NRXN1: variants seen among roughly 807,000 people sequenced by gnomAD.
NRXN1 encodes the protein neurexin 1.
NRXN1 carries 39 observed loss-of-function variants against 150.9 expected under a neutral mutation model. The observed-to-expected ratio is 0.26, with a 90% CI of 0.20 to 0.34. NRXN1 has a LOEUF of 0.34. Among genes scored for constraint, NRXN1 ranks in the 10% least tolerant of loss-of-function variants. NRXN1 has a pLI of 1.00. For missense variants in NRXN1, 1,815 were observed against 1,949.9 expected, an observed-to-expected ratio of 0.93 and a Z score of 1.30; for synonymous variants, 924 against 757.0, an observed-to-expected ratio of 1.22 and a Z score of -3.62.
intron 19 of NRXN1, among the ~76,000 whole-genome samples, chr2:50,066,976 C>A (rs182327612): frequency 6.6e-5 from 10 of 152,308 alleles, no homozygotes. Flanking sequence ...GGTGGTGCAA[C>A]TCAAGAGTTC....
At chr2:50,087,735 G>T (rs1484221348) in intron 19 of NRXN1, among the ~76,000 whole-genome samples, 1 of 152,106 alleles carries the variant, frequency 6.6e-6, no homozygotes, top group Non-Finnish European at 1.5e-5. Context: ...AATGTAAACT[G>T]TTGAGTTACA....
intron 5 of NRXN1, among the ~76,000 whole-genome samples, chr2:50,812,215 T>G (rs910822723): frequency 1.3e-5 from 2 of 152,200 alleles, no homozygotes; most frequent in African/African-American, 2.4e-5. Context: ...CTTCTGTGAT[T>G]TGTGAATAGG....
chr2:50,569,885 CATTATA>C (rs1248903760), intron 8 of NRXN1, among the ~76,000 whole-genome samples: 1 of 151,996 alleles, frequency 6.6e-6, no homozygotes, highest in Non-Finnish European at 1.5e-5. Context: ...CATTAAGTAG[CATTATA>C]ATTATATGAT....
intron 5 of NRXN1, among the ~76,000 whole-genome samples, chr2:50,874,320 T>C (rs1359586612): frequency 1.3e-5 from 2 of 151,888 alleles, no homozygotes; most frequent in East Asian, 3.9e-4. Flanking sequence ...TATATCATAC[T>C]ATCAATTCTT....
chr2:50,329,647 ATATATATATATATATATATATATATATT>A lies in NRXN1; in HGVS notation c.3365-92705_3365-92678del, dbSNP rs1290461347. On this transcript the variant is annotated intron_variant, in intron 17 of 22. Transcript: ENST00000401669. ...TATATATATATATATATATATATAT[ATATATATATATATATATATATATATATT>A]TTTTTTTTTCCCCCCCGAGACGGAG... Among the ~76,000 whole-genome samples, 37 of 8,662 alleles carry A rather than the reference ATATATATATATATATATATATATATATT, an allele frequency of 4.3e-3. 2 individuals carry two copies. The South Asian group carries it at 0.054, about 13-fold the overall frequency. The allele number at this position is 8,662 out of a possible 152,430, so 5.7% of individuals were successfully genotyped here. A position where few individuals can be genotyped will look rare whatever the true frequency, so the allele number is the denominator to read the frequency against.
chr2:50,155,675 G>A (rs1034095490), intron 18 of NRXN1, among the ~76,000 whole-genome samples: 5 of 151,344 alleles, frequency 3.3e-5, no homozygotes. Context: ...TGATGCATAT[G>A]TAGAATATTT....
chr2:50,679,058 G>C (rs1472098954), intron 5 of NRXN1, among the ~76,000 whole-genome samples: 1 of 151,976 alleles, frequency 6.6e-6, no homozygotes, highest in Non-Finnish European at 1.5e-5. Context: ...GTAGCTCTTG[G>C]GGCATGTACA....
At chr2:50,826,705 T>A (rs933166425) in intron 5 of NRXN1, among the ~76,000 whole-genome samples, 2 of 152,136 alleles carry the variant, frequency 1.3e-5, no homozygotes, top group African/African-American at 4.8e-5. Flanking sequence ...GAGAAGAAAC[T>A]TCGGCAGAAA....
At chr2:50,550,642 C>A (rs556149605) in intron 9 of NRXN1, among the ~76,000 whole-genome samples, 31 of 151,246 alleles carry the variant, frequency 2.0e-4, no homozygotes, top group African/African-American at 7.5e-4. Context: ...TTTTTGCATT[C>A]CCATCAATGA....
intron 5 of NRXN1, among the ~76,000 whole-genome samples, chr2:50,655,479 T>C (rs1420003655): frequency 6.6e-6 from 1 of 152,016 alleles, no homozygotes; most frequent in Non-Finnish European, 1.5e-5. Context: ...CAGTCCAATC[T>C]GACAAGGTTG....
chr2:50,457,082 G>A (rs2087642702), intron 17 of NRXN1, among the ~76,000 whole-genome samples: 1 of 152,016 alleles, frequency 6.6e-6, no homozygotes, highest in Non-Finnish European at 1.5e-5. Flanking sequence ...AGGCTGTCAT[G>A]GAAAAATCAC....
chr2:50,301,297 T>C (rs1159950771), intron 17 of NRXN1, among the ~76,000 whole-genome samples: 2 of 152,174 alleles, frequency 1.3e-5, no homozygotes, highest in Non-Finnish European at 2.9e-5. Context: ...CATAAGACTA[T>C]AATTTAAAAC....
chr2:50,463,933 C>A (rs533052232), intron 17 of NRXN1: 1 of 151,636 alleles, frequency 6.6e-6, no homozygotes, highest in Non-Finnish European at 1.5e-5. Context: ...AAAATCTTAA[C>A]AAGTATTCAG....
intron 8 of NRXN1, among the ~76,000 whole-genome samples, chr2:50,591,003 CT>C (rs1674092607): frequency 1.3e-5 from 2 of 152,100 alleles, no homozygotes; most frequent in South Asian, 4.1e-4. Flanking sequence ...AGGTCTCTGT[CT>C]TTTATTAAGT....
intron 8 of NRXN1, among the ~76,000 whole-genome samples, chr2:50,587,728 A>T (rs1673404516): frequency 6.6e-6 from 1 of 152,178 alleles, no homozygotes; most frequent in African/African-American, 2.4e-5. Context: ...TAAATGTAAA[A>T]TATTAATTAA....
chr2:50,829,037 G>A (rs1574626730), intron 5 of NRXN1, among the ~76,000 whole-genome samples: 1 of 152,194 alleles, frequency 6.6e-6, no homozygotes, highest in Non-Finnish European at 1.5e-5. Context: ...GACCAGCCCA[G>A]CCAACACAGC....
chr2:50,672,091 T>A (rs1049268430), intron 5 of NRXN1, among the ~76,000 whole-genome samples: 30 of 152,080 alleles, frequency 2.0e-4, no homozygotes, highest in African/African-American at 7.2e-4. Context: ...TAACGATTGC[T>A]AAATTGATTC....
At chr2:49,997,460 T>C (rs1288605955) in intron 21 of NRXN1, among the ~76,000 whole-genome samples, 4 of 152,176 alleles carry the variant, frequency 2.6e-5, no homozygotes, top group Non-Finnish European at 4.4e-5. Flanking sequence ...TGGAGATGAA[T>C]TCACGAATGG....
chr2:50,308,959 T>C (rs748161067), intron 17 of NRXN1, among the ~76,000 whole-genome samples: 19 of 152,162 alleles, frequency 1.2e-4, no homozygotes, highest in Non-Finnish European at 2.1e-4. Flanking sequence ...AAACGAGACA[T>C]GTTTGTAAAG....
Sources: allele counts gnomAD v4.1 joint callset (sites outside exome capture counted in the v4.1 genomes callset), GRCh38; gene constraint gnomAD v4.1.1; transcripts MANE v1.5; gene names NCBI Gene and HGNC (gene_info 2026-07-23, HGNC 2026-07-21).